Variants in SLC24A3 observed in about 807,000 individuals in gnomAD.
The protein encoded by SLC24A3 is solute carrier family 24 member 3.
A neutral mutation model predicts 75.8 loss-of-function variants in SLC24A3; 28 were observed. The observed-to-expected ratio is 0.37, with a 90% CI of 0.27 to 0.51. SLC24A3 has a LOEUF of 0.51. Ranked by LOEUF, SLC24A3 falls within the 20% of genes least tolerant of loss-of-function variation. SLC24A3 has a pLI of 0.94. For missense variants in SLC24A3, 663 were observed against 847.8 expected, an observed-to-expected ratio of 0.78 and a Z score of 2.71; for synonymous variants, 372 against 334.1, an observed-to-expected ratio of 1.11 and a Z score of -1.24.
chr20:19,682,100 A>G (rs1365442762), intron 10 of SLC24A3, 109 bp downstream of exon 10: 5 of 1,264,076 alleles, frequency 4.0e-6, no homozygotes, highest in Admixed American at 2.3e-5. Context: ...TAAAAATACA[A>G]CAAAATTAAC....
intron 2 of SLC24A3, among the ~76,000 whole-genome samples, chr20:19,367,591 T>C (rs184232186): frequency 6.6e-6 from 1 of 152,244 alleles, no homozygotes; most frequent in Non-Finnish European, 1.5e-5. Flanking sequence ...GTTGTCTAAT[T>C]AGATGCCCAG....
intron 2 of SLC24A3, among the ~76,000 whole-genome samples, chr20:19,323,120 G>C (rs1984752178): frequency 6.7e-6 from 1 of 150,146 alleles, no homozygotes; most frequent in African/African-American, 2.5e-5. Flanking sequence ...GCAGGAGAAT[G>C]GCGTGAACCC....
chr20:19,411,423 G>A (rs1429615384), intron 2 of SLC24A3, among the ~76,000 whole-genome samples: 1 of 152,180 alleles, frequency 6.6e-6, no homozygotes, highest in Non-Finnish European at 1.5e-5. Context: ...GTCAATATTT[G>A]GGAAATGTCA....
At chr20:19,265,530 A>T (rs1218085848) in intron 1 of SLC24A3, among the ~76,000 whole-genome samples, 1 of 152,146 alleles carries the variant, frequency 6.6e-6, no homozygotes, top group Non-Finnish European at 1.5e-5. Flanking sequence ...GGATTTTTTT[A>T]AAAAGTAGAA....
At chr20:19,532,657 G>T (rs1251784665) in intron 3 of SLC24A3, among the ~76,000 whole-genome samples, 1 of 152,216 alleles carries the variant, frequency 6.6e-6, no homozygotes, top group Non-Finnish European at 1.5e-5. Flanking sequence ...TAGGTGACAC[G>T]TTCAGAGCTG....
chr20:19,373,884 G>A lies in SLC24A3; in HGVS notation c.271+92797G>A, dbSNP rs190999227. Among the ~76,000 whole-genome samples the A allele has an allele frequency of 1.0e-3, 156 of 152,208 alleles. 3 individuals carry two copies. The highest frequency in any genetic ancestry group is 3.5e-3 in the Admixed American group (54 of 15,296). On this transcript the variant is annotated intron_variant, in intron 2 of 16. Coordinates refer to ENST00000328041, the MANE Select transcript of SLC24A3 (RefSeq NM_020689.4). The stretch of plus-strand genomic sequence containing the variant: ...CGGTGGGAGCAGGGTGGGCAGGGAG[G>A]AGTGTGTGTCTATCTACGAACCCTA...
intron 2 of SLC24A3, among the ~76,000 whole-genome samples, chr20:19,460,755 C>G (rs1987656790): frequency 6.6e-6 from 1 of 152,206 alleles, no homozygotes; most frequent in Non-Finnish European, 1.5e-5. Flanking sequence ...AAGCCTCATA[C>G]TGCAGGCCCT....
rs574096399 is a variant in SLC24A3, at chr20:19,460,260, TGGGTCCA to T, written c.272-55224_272-55218del. 3.8e-3 allele frequency among the ~76,000 whole-genome samples: 582 copies of T among 152,236 alleles called. 6 individuals are homozygous for T. Among genetic ancestry groups the T allele is most frequent in the African/African-American group, 0.014 (562 of 41,536 alleles). On this transcript the variant is annotated intron_variant, in intron 2 of 16. Coordinates refer to ENST00000328041, the MANE Select transcript of SLC24A3 (RefSeq NM_020689.4). ...TAGTCCTGGCTCTGAAAGAAAGATA[TGGGTCCA>T]GGGATTTGAAGTCTGTTGTGCTGTT...
intron 2 of SLC24A3, among the ~76,000 whole-genome samples, chr20:19,307,539 G>A (rs902576654): frequency 6.6e-6 from 1 of 152,170 alleles, no homozygotes; most frequent in African/African-American, 2.4e-5. Context: ...AGTCATAAGT[G>A]GGAGTTGAAC....
intron 2 of SLC24A3, among the ~76,000 whole-genome samples, chr20:19,453,166 C>T (rs577174252): frequency 3.2e-4 from 48 of 151,996 alleles, no homozygotes; most frequent in Non-Finnish European, 5.1e-4. Context: ...GGTGACAGAG[C>T]GAGACTCTGC....
intron 1 of SLC24A3, among the ~76,000 whole-genome samples, chr20:19,268,439 A>G (rs1983229805): frequency 1.3e-5 from 2 of 152,226 alleles, no homozygotes; most frequent in African/African-American, 4.8e-5. Flanking sequence ...GCTTTTGAAC[A>G]TATTATTCTA....
At chr20:19,551,733 T>A (rs1005572151) in intron 3 of SLC24A3, among the ~76,000 whole-genome samples, 21 of 152,094 alleles carry the variant, frequency 1.4e-4, no homozygotes, top group Non-Finnish European at 3.1e-4. Context: ...GGCTCTTCCC[T>A]CCTTTCTTCC....
intron 6 of SLC24A3, among the ~76,000 whole-genome samples, chr20:19,588,196 T>A (rs2031326407): frequency 6.6e-6 from 1 of 152,234 alleles, no homozygotes; most frequent in Non-Finnish European, 1.5e-5. Context: ...GGAGAAGCTC[T>A]CCCAGGCGGT....
intron 6 of SLC24A3, among the ~76,000 whole-genome samples, chr20:19,637,331 A>C (rs530282766): frequency 1.3e-5 from 2 of 152,354 alleles, no homozygotes; most frequent in African/African-American, 4.8e-5. Context: ...TAAAATTTTT[A>C]AGTGTGGCTT....
At chr20:19,502,685 G>A (rs1205413648) in intron 2 of SLC24A3, among the ~76,000 whole-genome samples, 1 of 151,900 alleles carries the variant, frequency 6.6e-6, no homozygotes, top group African/African-American at 2.4e-5. Flanking sequence ...GAAGATGACA[G>A]AATCCAGAAT....
At chr20:19,390,053 A>G (rs577633182) in intron 2 of SLC24A3, among the ~76,000 whole-genome samples, 3 of 152,210 alleles carry the variant, frequency 2.0e-5, no homozygotes, top group African/African-American at 7.2e-5. Context: ...TAGCTCCAGA[A>G]TTTTTGTTGT....
intron 15 of SLC24A3, among the ~76,000 whole-genome samples, chr20:19,701,494 A>G (rs983448345): frequency 6.6e-6 from 1 of 152,210 alleles, no homozygotes; most frequent in East Asian, 1.9e-4. Flanking sequence ...TCTGAACTCA[A>G]ACTTGCATAT....
At chr20:19,656,025 C>G (rs1402805656) in intron 7 of SLC24A3, among the ~76,000 whole-genome samples, 1 of 152,138 alleles carries the variant, frequency 6.6e-6, no homozygotes, top group Non-Finnish European at 1.5e-5. Context: ...TTCTTACCTA[C>G]ACAATAGGAA....
chr20:19,709,888 G>A (rs1320500867), intron 15 of SLC24A3, among the ~76,000 whole-genome samples: 1 of 152,158 alleles, frequency 6.6e-6, no homozygotes, highest in Non-Finnish European at 1.5e-5. Context: ...TTCATGAGTG[G>A]CCACCAGAAC....
Sources: gnomAD v4.1 joint callset for allele counts (sites outside exome capture counted in the v4.1 genomes callset) on GRCh38, gnomAD v4.1.1 for gene constraint, MANE v1.5 for transcripts, NCBI Gene and HGNC (gene_info 2026-07-23, HGNC 2026-07-21) for gene names.